Variants in GABRB3 observed in about 807,000 individuals in gnomAD.
GABRB3 encodes gamma-aminobutyric acid type A receptor subunit beta3.
A neutral mutation model predicts 52.1 loss-of-function variants in GABRB3; 14 were observed. The ratio of observed to expected loss-of-function variants is 0.27; its 90% CI spans 0.18 to 0.42. GABRB3 has a LOEUF of 0.42. GABRB3 is among the 10% of genes least tolerant of loss of function. The pLI is 1.00. For synonymous variants in GABRB3, 260 were observed against 232.3 expected, an observed-to-expected ratio of 1.12 and a Z score of -1.08; for missense variants, 307 against 609.1, an observed-to-expected ratio of 0.50 and a Z score of 5.22.
At chr15:26,649,652 C>A (rs947367435) in intron 3 of GABRB3, among the ~76,000 whole-genome samples, 9 of 43,962 alleles carry the variant, frequency 2.0e-4, no homozygotes, top group Non-Finnish European at 4.1e-4. Context: ...CAGGACAGAG[C>A]CAAGGCTGTG....
At chr15:26,618,571 A>G (rs1016283581) in intron 4 of GABRB3, among the ~76,000 whole-genome samples, 22 of 152,248 alleles carry the variant, frequency 1.4e-4, no homozygotes, top group Admixed American at 8.5e-4. Flanking sequence ...ACCCTAGAAG[A>G]AAACCTAGGC....
intron 3 of GABRB3, among the ~76,000 whole-genome samples, chr15:26,631,203 G>A (rs971623548): frequency 6.6e-6 from 1 of 152,268 alleles, no homozygotes; most frequent in African/African-American, 2.4e-5. Context: ...GTATATACAA[G>A]CAGCAGCAAC....
intron 3 of GABRB3, among the ~76,000 whole-genome samples, chr15:26,683,428 C>T (rs1212877793): frequency 1.3e-5 from 2 of 151,934 alleles, no homozygotes; most frequent in African/African-American, 4.8e-5. Flanking sequence ...GAGGGCTACC[C>T]AATTGGTCTG....
intron 3 of GABRB3, among the ~76,000 whole-genome samples, chr15:26,721,963 G>A (rs112745488): frequency 6.6e-6 from 1 of 152,036 alleles, no homozygotes; most frequent in Non-Finnish European, 1.5e-5. Flanking sequence ...TTTTCTAACT[G>A]TAGTTCCACA....
intron 3 of GABRB3, among the ~76,000 whole-genome samples, chr15:26,632,102 T>C (rs1892927736): frequency 6.6e-6 from 1 of 152,190 alleles, no homozygotes; most frequent in South Asian, 2.1e-4. Context: ...GCGACCTCAC[T>C]GTCTTATGCC....
chr15:26,732,279 T>A (rs574615720), intron 3 of GABRB3, among the ~76,000 whole-genome samples: 1 of 145,168 alleles, frequency 6.9e-6, no homozygotes, highest in African/African-American at 2.6e-5. Flanking sequence ...GATGGATGAA[T>A]AGATGGATGG....
At chr15:26,567,843 AG>A in intron 6 of GABRB3, 110 bp from the exon 7 acceptor site, 1 of 1,039,298 alleles carries the variant, frequency 9.6e-7, no homozygotes. Flanking sequence ...CTGCGAATAA[AG>A]GGGTGACCCA....
At chr15:26,679,707 C>G (rs1888177873) in intron 3 of GABRB3, among the ~76,000 whole-genome samples, 1 of 152,038 alleles carries the variant, frequency 6.6e-6, no homozygotes, top group South Asian at 2.1e-4. Flanking sequence ...TTCCAGAAAG[C>G]TTCCGGAGAT....
intron 3 of GABRB3, among the ~76,000 whole-genome samples, chr15:26,744,432 C>CT (rs899818795): frequency 1.6e-4 from 23 of 143,344 alleles, no homozygotes; most frequent in African/African-American, 3.3e-4. Context: ...TAACAGAAAA[C>CT]TTTTTTTTTT....
chr15:26,677,283 C>T lies in GABRB3; in HGVS notation c.241-55749G>A, dbSNP rs575914710. On this transcript the variant is annotated intron_variant, in intron 3 of 8. Transcript: ENST00000311550. ...TTCCCAGTTAGAACACCTTTCCCTT[C>T]GCTGATTTCAAACATGGACTGTTTA... 1.6e-4 allele frequency among the ~76,000 whole-genome samples: 24 copies of T among 152,302 alleles called. No homozygotes were observed. In the South Asian group the frequency reaches 4.4e-3, roughly 28 times the overall value.
At chr15:26,683,313 G>A (rs1379289476) in intron 3 of GABRB3, among the ~76,000 whole-genome samples, 1 of 149,024 alleles carries the variant, frequency 6.7e-6, no homozygotes, top group Non-Finnish European at 1.5e-5. Flanking sequence ...AGGTATCTGA[G>A]GGTCGATTTT....
intron 3 of GABRB3, among the ~76,000 whole-genome samples, chr15:26,711,587 GC>G (rs1404335500): frequency 3.3e-5 from 5 of 152,048 alleles, no homozygotes; most frequent in Non-Finnish European, 5.9e-5. Context: ...CCCGCCCCAG[GC>G]TCCCCATCTC....
At chr15:26,628,207 T>G (rs928183170) in intron 3 of GABRB3, among the ~76,000 whole-genome samples, 1 of 152,244 alleles carries the variant, frequency 6.6e-6, no homozygotes, top group African/African-American at 2.4e-5. Flanking sequence ...ACCAAAAAAT[T>G]TGTGACTCAC....
At chr15:26,586,244 G>A (rs1372608864) in intron 4 of GABRB3, among the ~76,000 whole-genome samples, 2 of 152,074 alleles carry the variant, frequency 1.3e-5, no homozygotes, top group Non-Finnish European at 2.9e-5. Context: ...CGATCCACCC[G>A]CCTTGGTCTC....
At chr15:26,754,934 G>A (rs184079470) in intron 3 of GABRB3, among the ~76,000 whole-genome samples, 19 of 152,114 alleles carry the variant, frequency 1.2e-4, no homozygotes, top group Admixed American at 5.2e-4. Context: ...AGGATTAAAC[G>A]GAGATTTAAA....
At chr15:26,754,571 AG>A (rs1429771149) in intron 3 of GABRB3, among the ~76,000 whole-genome samples, 1 of 152,244 alleles carries the variant, frequency 6.6e-6, no homozygotes, top group African/African-American at 2.4e-5. Flanking sequence ...TCTCTGCATC[AG>A]TAGACCAAAC....
intron 4 of GABRB3, among the ~76,000 whole-genome samples, chr15:26,609,466 A>G (rs1891982539): frequency 6.6e-6 from 1 of 152,182 alleles, no homozygotes; most frequent in Admixed American, 6.5e-5. Context: ...CATGAAACAA[A>G]TCTACTCGAT....
At chr15:26,701,140 T>C (rs1350053678) in intron 3 of GABRB3, among the ~76,000 whole-genome samples, 2 of 152,044 alleles carry the variant, frequency 1.3e-5, no homozygotes, top group Admixed American at 6.5e-5. Flanking sequence ...GAAACAACTA[T>C]TACAAACATA....
chr15:26,650,223 A>G lies in GABRB3; in HGVS notation c.241-28689T>C, dbSNP rs369869050. ...TCACATTGTTATCACACCAATTCTC[A>G]GGTGAGAAAGATGAGTATTGGGTTA... On this transcript the variant is annotated intron_variant, in intron 3 of 8. Coordinates refer to ENST00000311550, the MANE Select transcript of GABRB3 (RefSeq NM_000814.6). Among the ~76,000 whole-genome samples, 5 of 152,284 alleles carry G rather than the reference A, an allele frequency of 3.3e-5. No homozygotes were observed. In the East Asian group the frequency reaches 5.8e-4, roughly 18 times the overall value.
Sources: allele counts gnomAD v4.1 joint callset (sites outside exome capture counted in the v4.1 genomes callset), GRCh38; gene constraint gnomAD v4.1.1; transcripts MANE v1.5; gene names NCBI Gene and HGNC (gene_info 2026-07-23, HGNC 2026-07-21).